EPM2A: variants seen among roughly 807,000 people sequenced by gnomAD.
EPM2A encodes the protein laforin.
Under a neutral mutation model 26.5 loss-of-function variants are expected in EPM2A, and 21 were observed. The ratio of observed to expected loss-of-function variants is 0.79; its 90% CI spans 0.56 to 1.14. EPM2A has a LOEUF of 1.14. Ranked by LOEUF, EPM2A falls within the 50% of genes most tolerant of loss-of-function variation. The pLI is 0.00. For missense variants in EPM2A, 458 were observed against 440.8 expected (o/e 1.04, Z -0.35); for synonymous variants, 217 against 177.6 (o/e 1.22, Z -1.76).
intron 4 of EPM2A, among the ~76,000 whole-genome samples, chr6:145,481,200 C>G (rs968193434): frequency 1.3e-5 from 2 of 152,096 alleles, no homozygotes; most frequent in Admixed American, 6.6e-5. Context: ...GTTCACTAAT[C>G]TTTTATATCC....
At chr6:145,451,358 A>T (rs1779193614) in intron 4 of EPM2A, among the ~76,000 whole-genome samples, 1 of 152,224 alleles carries the variant, frequency 6.6e-6, no homozygotes, top group Non-Finnish European at 1.5e-5. Flanking sequence ...TTGGTAAAAA[A>T]ATCCATTGTA....
At chr6:145,550,636 C>G (rs2114803658) in intron 2 of EPM2A, among the ~76,000 whole-genome samples, 1 of 152,130 alleles carries the variant, frequency 6.6e-6, no homozygotes, top group South Asian at 2.1e-4. Flanking sequence ...CGAAGATTTT[C>G]TTCTGCTATG....
At chr6:145,708,967 T>C (rs559086208) in intron 1 of EPM2A, among the ~76,000 whole-genome samples, 1 of 152,322 alleles carries the variant, frequency 6.6e-6, no homozygotes, top group East Asian at 1.9e-4. Flanking sequence ...TTTGGAACTT[T>C]AAGGTTTAAT....
intron 4 of EPM2A, among the ~76,000 whole-genome samples, chr6:145,469,646 C>T (rs1044150270): frequency 1.3e-5 from 2 of 152,134 alleles, no homozygotes; most frequent in Middle Eastern, 3.4e-3. Flanking sequence ...TAGGGTCGTA[C>T]AATCCAGGAA....
intron 4 of EPM2A, among the ~76,000 whole-genome samples, chr6:145,460,619 T>C (rs1346302949): frequency 6.6e-6 from 1 of 152,076 alleles, no homozygotes; most frequent in Non-Finnish European, 1.5e-5. Flanking sequence ...CCTTCCTTCC[T>C]GTACGAGAGG....
chr6:145,458,438 C>T (rs954756527), intron 4 of EPM2A, among the ~76,000 whole-genome samples: 3 of 152,162 alleles, frequency 2.0e-5, no homozygotes, highest in Non-Finnish European at 2.9e-5. Flanking sequence ...TCTATTCCTA[C>T]GCTGGATTTA....
chr6:145,488,879 A>T (rs1164225728), intron 4 of EPM2A, among the ~76,000 whole-genome samples: 1 of 152,196 alleles, frequency 6.6e-6, no homozygotes, highest in Non-Finnish European at 1.5e-5. Context: ...CTGCCATTAA[A>T]TAAAATTTCT....
At chr6:145,728,926 G>T (rs1323810654) in intron 1 of EPM2A, among the ~76,000 whole-genome samples, 4 of 152,170 alleles carry the variant, frequency 2.6e-5, no homozygotes, top group Non-Finnish European at 5.9e-5. Flanking sequence ...CAGGCCCAGG[G>T]CCTCACTACC....
At chr6:145,491,107 G>A in intron 4 of EPM2A, 1 of 621,258 alleles carries the variant, frequency 1.6e-6, no homozygotes. Flanking sequence ...CTTTTATTTG[G>A]CCACCTTTTT....
chr6:145,385,864 T>C (rs913869815), intron 4 of EPM2A, among the ~76,000 whole-genome samples: 31 of 152,130 alleles, frequency 2.0e-4, no homozygotes, highest in African/African-American at 7.2e-4. Flanking sequence ...TATCTATCAA[T>C]TTTTCTTATT....
In EPM2A at chr6:145,438,978, T is replaced by C. The variant is rs534689693; in HGVS notation, c.556-54881A>G. On this transcript the variant is annotated intron_variant, in intron 4 of 4. Coordinates refer to the EPM2A transcript ENST00000638717. ...TCCCTTCTCCCATCCTCTGCTCTCA[T>C]GTAGGCCCCTGTATCTGTTGTTCCC... Among the ~76,000 whole-genome samples the C allele has an allele frequency of 5.9e-5, 9 of 152,198 alleles. No individual in the cohort carries two copies. In the South Asian group the frequency reaches 1.9e-3, roughly 32 times the overall value.
chr6:145,634,995 C>T, intron 3 of EPM2A: 1 of 409,860 alleles, frequency 2.4e-6, no homozygotes, highest in Non-Finnish European at 4.4e-6. Flanking sequence ...GTGTTCCTAG[C>T]TACTAGCATA....
intron 4 of EPM2A, among the ~76,000 whole-genome samples, chr6:145,460,026 A>G (rs1779309743): frequency 6.6e-6 from 1 of 152,164 alleles, no homozygotes; most frequent in African/African-American, 2.4e-5. Context: ...CCATAACTTA[A>G]GTTTAACATT....
At chr6:145,732,102 T>C (rs1776516608) in intron 1 of EPM2A, among the ~76,000 whole-genome samples, 2 of 152,078 alleles carry the variant, frequency 1.3e-5, no homozygotes, top group African/African-American at 2.4e-5. Context: ...AAGAAATGAT[T>C]AAGGTTTTTA....
chr6:145,656,511 G>A (rs909090230), intron 2 of EPM2A, among the ~76,000 whole-genome samples: 11 of 152,290 alleles, frequency 7.2e-5, no homozygotes, highest in South Asian at 4.1e-4. Flanking sequence ...CTTTAATATC[G>A]AGTAAGCAAA....
chr6:145,507,755 C>G (rs185597157), intron 2 of EPM2A, among the ~76,000 whole-genome samples: 3 of 152,104 alleles, frequency 2.0e-5, no homozygotes, highest in African/African-American at 7.2e-5. Context: ...GGAGAGTGTC[C>G]CAGCAGTAGA....
chr6:145,538,195 G>A (rs1374552754), intron 2 of EPM2A, among the ~76,000 whole-genome samples: 2 of 151,970 alleles, frequency 1.3e-5, no homozygotes, highest in Non-Finnish European at 2.9e-5. Flanking sequence ...CTTCCACAAT[G>A]GTTGAACTAA....
rs948684509 is a variant in EPM2A, at chr6:145,442,013, C to T, written c.556-57916G>A. On this transcript the variant is annotated intron_variant, in intron 4 of 4. Coordinates refer to the EPM2A transcript ENST00000638717. Reference sequence around the variant, plus strand: ...TTTAAAGTTCCACAAATCTCTAGGGCAGGGGCAAAATGCCACCAGTCTCTG... The same window carrying T: ...TTTAAAGTTCCACAAATCTCTAGGGTAGGGGCAAAATGCCACCAGTCTCTG... 1.2e-4 allele frequency among the ~76,000 whole-genome samples: 18 copies of T among 152,218 alleles called. 1 individual carries two copies. The highest frequency in any genetic ancestry group is 3.6e-4 in the African/African-American group (15 of 41,460).
chr6:145,706,451 T>C (rs377097938), intron 1 of EPM2A, among the ~76,000 whole-genome samples: 7 of 152,214 alleles, frequency 4.6e-5, no homozygotes, highest in East Asian at 1.9e-4. Context: ...TATAGCTCAA[T>C]AACATTTGCT....
Sources: allele counts gnomAD v4.1 joint callset (sites outside exome capture counted in the v4.1 genomes callset), GRCh38; gene constraint gnomAD v4.1.1; transcripts MANE v1.5; gene names NCBI Gene and HGNC (gene_info 2026-07-23, HGNC 2026-07-21).